JAK3: variants seen among roughly 807,000 people sequenced by gnomAD.
JAK3 encodes the protein Janus kinase 3.
A neutral mutation model predicts 120.8 loss-of-function variants in JAK3; 88 were observed. The observed-to-expected ratio is 0.73, with a 90% CI of 0.61 to 0.87. The LOEUF (loss-of-function observed/expected upper bound fraction) is 0.87, where lower values mean the gene tolerates loss of function less well. Ranked by LOEUF, JAK3 falls within the 40% of genes least tolerant of loss-of-function variation. The pLI is 0.00. For missense variants in JAK3, 1,254 were observed against 1,501.4 expected, an observed-to-expected ratio of 0.84 and a Z score of 2.72; for synonymous variants, 592 against 628.6, an observed-to-expected ratio of 0.94 and a Z score of 0.87.
At position 17,841,606 on chromosome 19, in the gene JAK3, G is replaced by A. The variant is rs888673623; in HGVS notation, c.984+34C>T. ...CGAGGGTGCCGGTCCCGCCCTCGGG[G>A]TAAGGCTGAAGGGGAGGGGAATCCT... On this transcript the variant is annotated intron_variant, in intron 7 of 23. Transcript: ENST00000458235. This position sits in a 1 kb window ranked among gnomAD's most constrained non-coding sequence, Gnocchi z 4.1. 3.1e-6 allele frequency: 5 copies of A among 1,613,376 alleles called. No individual in the cohort carries two copies. The highest frequency in any genetic ancestry group is 3.4e-6 in the Non-Finnish European group (4 of 1,179,654).
chr19:17,826,402 TA>T lies in JAK3; in HGVS notation c.*340del, dbSNP rs886054276. ...TCTGTCTCAAAAATAAAAATAAAAATAAAAAAAATAAAAAGAGAGAGACAGA... is the reference window on the plus strand; with the variant it reads ...TCTGTCTCAAAAATAAAAATAAAAATAAAAAAATAAAAAGAGAGAGACAGA... On this transcript the variant is annotated 3_prime_UTR_variant, in exon 24 of 24. Coordinates refer to ENST00000458235, the MANE Select transcript of JAK3 (RefSeq NM_000215.4). The T allele has an allele frequency of 3.2e-5, 10 of 308,242 alleles. No individual in the cohort carries two copies. The highest frequency in any genetic ancestry group is 1.1e-4 in the South Asian group (2 of 17,532). The allele number at this position is 308,242 out of a possible 1,614,324, so 19.1% of individuals were successfully genotyped here.
Position 17,843,560 on chromosome 19 carries a change from G to A in JAK3, c.309-69C>T, listed in dbSNP as rs2094245139. ...CCTCAGTAGGAGTGACATTATGGTG[G>A]GGGCGAGGGACAGATTCTGCGGAGG... On this transcript the variant is annotated intron_variant, in intron 3 of 23. Coordinates refer to ENST00000458235, the MANE Select transcript of JAK3 (RefSeq NM_000215.4). The surrounding 1 kb of genome is among the most constrained non-coding windows in gnomAD (Gnocchi z 5.4). 8.1e-7 allele frequency: 1 copy of A among 1,240,332 alleles called. No individual in the cohort carries two copies. Among genetic ancestry groups the A allele is most frequent in the Non-Finnish European group, 1.2e-6 (1 of 857,110 alleles). 76.8% of individuals were successfully genotyped at this position (1,240,332 alleles called of 1,614,324 possible). A position where few individuals can be genotyped will look rare whatever the true frequency, so the allele number is the denominator to read the frequency against.
At position 17,834,758 on chromosome 19, in the gene JAK3, A is replaced by G. The variant is rs746686071; in HGVS notation, c.2200-37T>C. ...AGGAGCAGTCGGTAATCCCCAACCCAATAGACCCACCCCAATCTCCCCAGA... is the reference window on the plus strand; with the variant it reads ...AGGAGCAGTCGGTAATCCCCAACCCGATAGACCCACCCCAATCTCCCCAGA... On this transcript the variant is annotated intron_variant, in intron 16 of 23. Coordinates refer to ENST00000458235, the MANE Select transcript of JAK3 (RefSeq NM_000215.4). The G allele has an allele frequency of 3.1e-6, 5 of 1,613,826 alleles. No homozygotes were observed. The African/African-American group carries it at 4.0e-5, about 13-fold the overall frequency.
Position 17,843,846 on chromosome 19 carries a change from C to A in JAK3, c.239G>T (p.Cys80Phe). Reference protein sequence around the residue: ...LFALATEDLSCWFPPSHIFSV... With the variant: ...LFALATEDLSFWFPPSHIFSV... The stretch of plus-strand genomic sequence containing the variant: ...GAAGATGTGGCTCGGGGGGAACCAG[C>A]AGGACAGGTCCTCCGTGGCCAGAGC... Residue 80 changes from cysteine (C) to phenylalanine (F), a missense_variant, in exon 3 of 24, where the codon TGC becomes TTC. Transcript: ENST00000458235. The surrounding 1 kb of genome is among the most constrained non-coding windows in gnomAD (Gnocchi z 5.4). 1 of 1,613,494 alleles carries A rather than the reference C, an allele frequency of 6.2e-7. No individual in the cohort carries two copies. The highest frequency in any genetic ancestry group is 8.5e-7 in the Non-Finnish European group (1 of 1,179,954).
Position 17,840,245 on chromosome 19 carries a change from G to A in JAK3, c.1239C>T (p.Leu413=). 6.2e-7 allele frequency: 1 copy of A among 1,613,246 alleles called. No individual in the cohort carries two copies. The highest frequency in any genetic ancestry group is 8.5e-7 in the Non-Finnish European group (1 of 1,179,338). ...RSPQDFDSFL[L]TVCVQNPLGP... ...GTAGACCGACCTGGACACAGACAGTGAGGAGGAAGCTGTCAAAGTCCTGGG... is the reference window on the plus strand; with the variant it reads ...GTAGACCGACCTGGACACAGACAGTAAGGAGGAAGCTGTCAAAGTCCTGGG... The change falls in exon 9 of 24, where the codon CTC becomes CTT. Residue 413 remains leucine, a synonymous_variant. Coordinates refer to ENST00000458235, the MANE Select transcript of JAK3 (RefSeq NM_000215.4).
chr19:17,844,300 GC>G lies in JAK3; in HGVS notation c.117del (p.Gln39HisfsTer108). On this transcript the variant is annotated frameshift_variant, in exon 2 of 24. Transcript: ENST00000458235. LOFTEE classifies it high-confidence loss of function. ...TGGTCCCCAAAGGAGAAAGATAGGC[GC>G]TGGGGGGGCCCGGGGCCCCGAGCGG... ...LLPARGPGPP[Q>X]RLSFSFGDHL... is the part of the protein sequence containing the mutation. 1 of 1,607,342 alleles carries G rather than the reference GC, an allele frequency of 6.2e-7. No homozygotes were observed. Among genetic ancestry groups the G allele is most frequent in the East Asian group, 2.2e-5 (1 of 44,682 alleles).
Position 17,843,265 on chromosome 19 carries a change from C to A in JAK3, c.421-93G>T. The A allele has an allele frequency of 6.5e-7, 1 of 1,541,036 alleles. No individual in the cohort carries two copies. The highest frequency in any genetic ancestry group is 1.2e-5 in the South Asian group (1 of 84,302). ...ACCCCCCCAATCCTGGGCTGACCCC[C>A]ACCCCTGGACTGCCACAGGGAGGGT... On this transcript the variant is annotated intron_variant, in intron 4 of 23. Coordinates refer to ENST00000458235, the MANE Select transcript of JAK3 (RefSeq NM_000215.4). This position sits in a 1 kb window ranked among gnomAD's most constrained non-coding sequence, Gnocchi z 5.4.
rs2147682825 is a variant in JAK3, at chr19:17,835,108, G to A, written c.2022C>T (p.Val674=). ...TCTCCAGGCTTAACACAGCGGGGCT[G>A]ACCCCAGGGTCACTCAGCTTGATGA... ...PPFIKLSDPG[V]SPAVLSLEML... is the part of the protein sequence containing the mutation. The change falls in exon 15 of 24, where the codon GTC becomes GTT. Residue 674 remains valine, a synonymous_variant. Transcript: ENST00000458235. The A allele has an allele frequency of 1.9e-6, 3 of 1,614,196 alleles. No individual in the cohort carries two copies. The highest frequency in any genetic ancestry group is 1.6e-4 in the Middle Eastern group (1 of 6,062).
At chr19:17,827,350 C>T (rs3212794) in intron 23 of JAK3, among the ~76,000 whole-genome samples, 140,887 of 151,864 alleles carry the variant, frequency 0.93, 65,500 homozygotes, top group African/African-American at 0.98. Context: ...ATGGATCTTA[C>T]TTATTTATTT....
chr19:17,834,526 A>G, intron 17 of JAK3, 45 bp downstream of exon 17: 2 of 1,612,076 alleles, frequency 1.2e-6, no homozygotes, highest in East Asian at 2.2e-5. Flanking sequence ...ACTGGGCCCA[A>G]TATGACATCA....
At chr19:17,827,890 A>G (rs2147671312) in intron 23 of JAK3, among the ~76,000 whole-genome samples, 1 of 140,072 alleles carries the variant, frequency 7.1e-6, no homozygotes, top group Non-Finnish European at 1.5e-5. Context: ...CAACAAGAGC[A>G]AAACCACGTC....
intron 13 of JAK3, 106 bp from the exon 14 acceptor site, chr19:17,836,157 G>T: frequency 2.3e-6 from 3 of 1,306,884 alleles, no homozygotes; most frequent in Non-Finnish European, 2.2e-6. Flanking sequence ...TCTCATCTCT[G>T]TCTGTTCCCT....
At position 17,843,953 on chromosome 19, in the gene JAK3, T is replaced by G; in HGVS notation, c.185-53A>C. The G allele has an allele frequency of 3.1e-6, 5 of 1,606,976 alleles. No individual in the cohort carries two copies. Among genetic ancestry groups the G allele is most frequent in the Non-Finnish European group, 8.5e-7 (1 of 1,176,138 alleles). The stretch of plus-strand genomic sequence containing the variant: ...TCCTGAGTCACCCCATCTGTGCCCT[T>G]CAGGAGTGCCAGCATCATACCCAAC... On this transcript the variant is annotated intron_variant, in intron 2 of 23. Coordinates refer to ENST00000458235, the MANE Select transcript of JAK3 (RefSeq NM_000215.4). This position sits in a 1 kb window ranked among gnomAD's most constrained non-coding sequence, Gnocchi z 5.4.
rs921747658 is a variant in JAK3, at chr19:17,832,990, T to C, written c.2351-61A>G. 11 of 1,568,902 alleles carry C rather than the reference T, an allele frequency of 7.0e-6. No individual in the cohort carries two copies. Among genetic ancestry groups the C allele is most frequent in the Middle Eastern group, 2.1e-4 (1 of 4,654 alleles). On this transcript the variant is annotated intron_variant, in intron 17 of 23. Coordinates refer to ENST00000458235, the MANE Select transcript of JAK3 (RefSeq NM_000215.4). This position sits in a 1 kb window ranked among gnomAD's most constrained non-coding sequence, Gnocchi z 4.7. Reference sequence around the variant, plus strand: ...TCTCATCCTGGGCCCCACTCCTGAGTTGACTTGCTGTGCAACCTCCATCTG... The same window carrying C: ...TCTCATCCTGGGCCCCACTCCTGAGCTGACTTGCTGTGCAACCTCCATCTG...
rs370973944 is a variant in JAK3 at position 17,825,672 on chromosome 19, C to T, written c.*1071G>A. ...ATCCCAGCACTTTGGGAGGCCGAGA[C>T]GGGCAGATCACGAGGTCAGGAGATG... On this transcript the variant is annotated 3_prime_UTR_variant, in exon 24 of 24. Transcript: ENST00000458235. 42 of 173,344 alleles carry T rather than the reference C, an allele frequency of 2.4e-4. No homozygotes were observed. The East Asian group carries it at 3.9e-3, about 16-fold the overall frequency. The allele number at this position is 173,344 out of a possible 1,614,324, so 10.7% of individuals were successfully genotyped here. A position where few individuals can be genotyped will look rare whatever the true frequency, so the allele number is the denominator to read the frequency against.
At chr19:17,836,564 G>A (rs990202093) in intron 13 of JAK3, among the ~76,000 whole-genome samples, 9 of 152,134 alleles carry the variant, frequency 5.9e-5, no homozygotes, top group Non-Finnish European at 1.0e-4. Context: ...GAGCCACCAC[G>A]CCCAGCCTCT....
chr19:17,847,068 T>G (rs2094253844), intron 1 of JAK3, among the ~76,000 whole-genome samples: 1 of 152,092 alleles, frequency 6.6e-6, no homozygotes, highest in Non-Finnish European at 1.5e-5. Context: ...TGGCTAATTT[T>G]TGTGTTTTTA....
At position 17,825,758 on chromosome 19, in the gene JAK3, G is replaced by A. The variant is rs886054272; in HGVS notation, c.*985C>T. The A allele has an allele frequency of 8.9e-5, 14 of 157,122 alleles. No individual in the cohort carries two copies. The highest frequency in any genetic ancestry group is 3.1e-4 in the East Asian group (2 of 6,438). The allele number at this position is 157,122 out of a possible 1,614,324, so 9.7% of individuals were successfully genotyped here. ...CTACTAAAAATACAAAAAATTAGCCGGGTGTGGTGGCGGGCGCCTGTAGTC... is the reference window on the plus strand; with the variant it reads ...CTACTAAAAATACAAAAAATTAGCCAGGTGTGGTGGCGGGCGCCTGTAGTC... On this transcript the variant is annotated 3_prime_UTR_variant, in exon 24 of 24. Transcript: ENST00000458235.
chr19:17,843,725 C>T lies in JAK3; in HGVS notation c.308+52G>A. The T allele has an allele frequency of 6.2e-7, 1 of 1,608,608 alleles. No homozygotes were observed. The highest frequency in any genetic ancestry group is 8.5e-7 in the Non-Finnish European group (1 of 1,176,326). On this transcript the variant is annotated intron_variant, in intron 3 of 23. Coordinates refer to ENST00000458235, the MANE Select transcript of JAK3 (RefSeq NM_000215.4). This position sits in a 1 kb window ranked among gnomAD's most constrained non-coding sequence, Gnocchi z 5.4. ...GCAGGGGTGTGGGCACCTCGAAATG[C>T]AAGGAGATGATAAAATTGTACAATC...
Sources: gnomAD v4.1 joint callset for allele counts (sites outside exome capture counted in the v4.1 genomes callset) on GRCh38, gnomAD v4.1.1 for gene constraint, Gnocchi (gnomAD v3.1) non-coding constraint, MANE v1.5 for transcripts, NCBI Gene and HGNC (gene_info 2026-07-23, HGNC 2026-07-21) for gene names.